Variants in EPB41L2 observed in about 807,000 individuals in gnomAD.
The protein encoded by EPB41L2 is erythrocyte membrane protein band 4.1 like 2.
EPB41L2 carries 43 observed loss-of-function variants against 113.0 expected under a neutral mutation model. The observed-to-expected ratio is 0.38, with a 90% CI of 0.30 to 0.49. The LOEUF (loss-of-function observed/expected upper bound fraction) is 0.49. Among genes scored for constraint, EPB41L2 ranks in the 20% least tolerant of loss-of-function variants. The probability of loss-of-function intolerance (pLI) is 0.95; values close to 1 mark genes in which losing one functional copy is unlikely to be tolerated. For missense variants in EPB41L2, 1,147 were observed against 1,223.4 expected (o/e 0.94, Z 0.93); for synonymous variants, 442 against 436.7 (o/e 1.01, Z -0.15).
chr6:130,890,536 TA>T (rs1792504508), intron 10 of EPB41L2, 70 bp from the exon 11 acceptor site: 1 of 1,511,884 alleles, frequency 6.6e-7, no homozygotes, highest in Non-Finnish European at 8.8e-7. Context: ...CGGAATTTTT[TA>T]AAAAAACTTT....
intron 4 of EPB41L2, among the ~76,000 whole-genome samples, chr6:130,920,236 T>C (rs1224842864): frequency 6.6e-6 from 1 of 152,226 alleles, no homozygotes. Flanking sequence ...CACGAGGCTA[T>C]TTCAATTTAA....
chr6:130,890,408 G>A lies in EPB41L2; in HGVS notation c.1546C>T (p.Arg516Cys), dbSNP rs1263136282. The A allele has an allele frequency of 2.5e-6, 4 of 1,612,032 alleles. No individual in the cohort carries two copies. Among genetic ancestry groups the A allele is most frequent in the East Asian group, 2.2e-5 (1 of 44,816 alleles). ...TGTGCTTGGGTGCGGCCACTATAGC[G>A]AAATTTGGACCCCAAGGTCAGGAAC... ...AKFLTLGSKF[R>C]YSGRTQAQTR... Residue 516 changes from arginine (R) to cysteine (C), a missense_variant, in exon 11 of 20, where the codon CGC becomes TGC. By Grantham distance (180) the Arg-to-Cys change is radical (BLOSUM62 -3). Coordinates refer to ENST00000337057, the MANE Select transcript of EPB41L2 (RefSeq NM_001431.4).
At chr6:130,870,379 T>C (rs930092026) in intron 14 of EPB41L2, 2 of 1,550,492 alleles carry the variant, frequency 1.3e-6, no homozygotes, top group African/African-American at 2.7e-5. Flanking sequence ...CGGGAGCACG[T>C]GTCTGCAGAA....
intron 1 of EPB41L2, among the ~76,000 whole-genome samples, chr6:131,042,652 G>A (rs951662154): frequency 2.8e-5 from 4 of 144,750 alleles, no homozygotes; most frequent in African/African-American, 9.8e-5. Flanking sequence ...ACTTCTAACT[G>A]TCAAGGAAGA....
At chr6:131,016,475 GAA>G (rs1241270600) in intron 1 of EPB41L2, among the ~76,000 whole-genome samples, 3 of 79,740 alleles carry the variant, frequency 3.8e-5, no homozygotes, top group Non-Finnish European at 7.9e-5. Flanking sequence ...ATTTAATAAG[GAA>G]ACACACACAC....
At chr6:131,023,748 T>TATATATCTATATATAG in intron 1 of EPB41L2, among the ~76,000 whole-genome samples, 1 of 103,146 alleles carries the variant, frequency 9.7e-6, no homozygotes, top group East Asian at 3.6e-4. Context: ...TCTATATATC[T>TATATATCTATATATAG]ATATATAGAT....
At chr6:131,021,280 G>A (rs1453060366) in intron 1 of EPB41L2, among the ~76,000 whole-genome samples, 2 of 152,092 alleles carry the variant, frequency 1.3e-5, no homozygotes, top group Non-Finnish European at 2.9e-5. Flanking sequence ...ACTATTAGCA[G>A]GTATAGCAAA....
At chr6:130,850,544 AG>A (rs1278081708) in intron 19 of EPB41L2, among the ~76,000 whole-genome samples, 2 of 152,068 alleles carry the variant, frequency 1.3e-5, no homozygotes, top group African/African-American at 2.4e-5. Flanking sequence ...CTATATGGAA[AG>A]GGGGGGTGTG....
chr6:131,041,672 A>G (rs1794483366), intron 1 of EPB41L2, among the ~76,000 whole-genome samples: 1 of 152,200 alleles, frequency 6.6e-6, no homozygotes, highest in Non-Finnish European at 1.5e-5. Context: ...AGAATGTGGG[A>G]AACTCTATAG....
intron 19 of EPB41L2, among the ~76,000 whole-genome samples, chr6:130,848,961 G>A (rs1383772271): frequency 6.6e-6 from 1 of 152,176 alleles, no homozygotes; most frequent in Non-Finnish European, 1.5e-5. Context: ...ATGCTCTACA[G>A]GCAGTTTAAC....
At chr6:130,843,525 T>C (rs1776140805) in intron 19 of EPB41L2, among the ~76,000 whole-genome samples, 1 of 152,252 alleles carries the variant, frequency 6.6e-6, no homozygotes, top group Non-Finnish European at 1.5e-5. Context: ...TAATTCAACC[T>C]GCTTTCACTT....
chr6:130,908,694 T>C (rs1444889054), intron 5 of EPB41L2, 127 bp downstream of exon 5: 1 of 603,440 alleles, frequency 1.7e-6, no homozygotes, highest in African/African-American at 1.9e-5. Context: ...AAAAATATTA[T>C]TAGTATTATT....
In EPB41L2 at chr6:130,878,271, A is replaced by G. The variant is rs781440914; in HGVS notation, c.1897-21T>C. 4 of 1,581,920 alleles carry G rather than the reference A, an allele frequency of 2.5e-6. No homozygotes were observed. The Admixed American group carries it at 7.5e-5, about 30-fold the overall frequency. Reference sequence around the variant, plus strand: ...AGTTCCTAGCAATATGTAACGTAACAAAGGGGGGAAAAATCCAAAAGGAAA... The same window carrying G: ...AGTTCCTAGCAATATGTAACGTAACGAAGGGGGGAAAAATCCAAAAGGAAA... On this transcript the variant is annotated intron_variant, in intron 13 of 19. Transcript: ENST00000337057.
intron 1 of EPB41L2, among the ~76,000 whole-genome samples, chr6:131,060,141 G>A (rs9492799): frequency 0.19 from 28,280 of 152,140 alleles, 2,805 homozygotes; most frequent in East Asian, 0.37. Flanking sequence ...GATTACAGGC[G>A]TGCGCCACCA....
intron 4 of EPB41L2, 120 bp downstream of exon 4, chr6:130,926,485 C>T: frequency 1.4e-6 from 1 of 723,492 alleles, no homozygotes; most frequent in Non-Finnish European, 2.3e-6. Context: ...CCAAATTTCA[C>T]AGTGAAGTCA....
chr6:130,954,464 AAAACAAGATAATCCATT>A (rs1209848109), intron 3 of EPB41L2, among the ~76,000 whole-genome samples: 6 of 152,192 alleles, frequency 3.9e-5, no homozygotes, highest in Non-Finnish European at 5.9e-5. Context: ...CTTAATCAAT[AAAACAAGATAATCCATT>A]AAACAAGATA....
Position 130,867,960 on chromosome 6 carries a change from ACACACACACACACTCT to A in EPB41L2, c.2608-395_2608-380del, listed in dbSNP as rs796478261. ...GTGACACACACACACACACACACACACACACACACACACTCTCTCTCTCTCTCTCTCTCTCTCTCCT... is the reference window on the plus strand; with the variant it reads ...GTGACACACACACACACACACACACACTCTCTCTCTCTCTCTCTCTCTCCT... On this transcript the variant is annotated intron_variant, in intron 15 of 19. Coordinates refer to ENST00000337057, the MANE Select transcript of EPB41L2 (RefSeq NM_001431.4). 1,767 of 165,444 alleles carry A rather than the reference ACACACACACACACTCT, an allele frequency of 0.011. 149 individuals carry two copies. In the East Asian group the frequency reaches 0.24, roughly 22 times the overall value. 10.2% of individuals were successfully genotyped at this position (165,444 alleles called of 1,614,324 possible). A position where few individuals can be genotyped will look rare whatever the true frequency, so the allele number is the denominator to read the frequency against.
intron 4 of EPB41L2, among the ~76,000 whole-genome samples, chr6:130,914,292 ATCT>A (rs1275010086): frequency 2.6e-5 from 4 of 152,240 alleles, no homozygotes; most frequent in Non-Finnish European, 5.9e-5. Context: ...TGGTATATAT[ATCT>A]TCTTCACATA....
intron 1 of EPB41L2, among the ~76,000 whole-genome samples, chr6:131,022,047 C>T (rs928245560): frequency 1.3e-5 from 2 of 152,120 alleles, no homozygotes; most frequent in South Asian, 4.1e-4. Context: ...AATTACACAA[C>T]TCACCATAAT....
Sources: allele counts gnomAD v4.1 joint callset (sites outside exome capture counted in the v4.1 genomes callset), GRCh38; gene constraint gnomAD v4.1.1; transcripts MANE v1.5; gene names NCBI Gene and HGNC (gene_info 2026-07-23, HGNC 2026-07-21).